The following ELMO1 variants were observed in gnomAD, a reference collection of about 807,000 sequenced individuals.
The protein encoded by ELMO1 is engulfment and cell motility protein 1.
In ELMO1, 26 loss-of-function variants were observed where a neutral mutation model predicts 98.9. That is an observed-to-expected ratio of 0.26 (90% CI 0.19 to 0.36). The LOEUF (loss-of-function observed/expected upper bound fraction) is 0.36, where lower values mean the gene tolerates loss of function less well. Ranked by LOEUF, ELMO1 falls within the 10% of genes least tolerant of loss-of-function variation. The probability of loss-of-function intolerance (pLI) is 1.00; values close to 1 mark genes in which losing one functional copy is unlikely to be tolerated. For missense variants in ELMO1, 627 were observed against 935.2 expected (o/e 0.67, Z 4.30); for synonymous variants, 346 against 346.0 (o/e 1.00, Z 0.00).
intron 16 of ELMO1, among the ~76,000 whole-genome samples, chr7:36,954,313 T>C (rs1788262047): frequency 6.6e-6 from 1 of 152,202 alleles, no homozygotes; most frequent in Non-Finnish European, 1.5e-5. Flanking sequence ...ATTAGGGTTC[T>C]GGCCAAATGT....
chr7:37,301,252 CA>C (rs1434310344), intron 4 of ELMO1, among the ~76,000 whole-genome samples: 1 of 148,732 alleles, frequency 6.7e-6, no homozygotes, highest in Non-Finnish European at 1.5e-5. Context: ...GAAGGAAAAA[CA>C]ATCAGAAGGA....
chr7:36,865,849 ATGCTCAATACAT>A (rs1802996367), intron 20 of ELMO1, among the ~76,000 whole-genome samples: 1 of 152,362 alleles, frequency 6.6e-6, no homozygotes, highest in South Asian at 2.1e-4. Flanking sequence ...GACAAAGGAG[ATGCTCAATACAT>A]TGCTGAATGA....
chr7:36,971,995 T>C (rs1584458360), intron 16 of ELMO1, among the ~76,000 whole-genome samples: 1 of 152,326 alleles, frequency 6.6e-6, no homozygotes, highest in East Asian at 1.9e-4. Flanking sequence ...TTTCTTGCTG[T>C]GTGATTCATG....
chr7:36,986,060 T>C, intron 16 of ELMO1: 1 of 999,104 alleles, frequency 1.0e-6, no homozygotes, highest in Non-Finnish European at 1.2e-6. Flanking sequence ...AGCTTGTTCA[T>C]GAAACAGGTT....
rs111548583 is a variant in ELMO1 at position 37,317,172 on chromosome 7, C to T, written c.79-1212G>A. ...TCACCCTTGGACGTGATGCTATCTA[C>T]GCCTGCTCCATTGGTGAATTCTGAA... is the stretch of plus-strand genomic sequence containing the variant. On this transcript the variant is annotated intron_variant, in intron 2 of 21. Coordinates refer to ENST00000310758, the MANE Select transcript of ELMO1 (RefSeq NM_014800.11). Among the ~76,000 whole-genome samples, 132 of 152,288 alleles carry T rather than the reference C, an allele frequency of 8.7e-4. 1 individual carries two copies. The highest frequency in any genetic ancestry group is 1.7e-3 in the African/African-American group (71 of 41,554).
chr7:36,873,364 A>T (rs897296837), intron 19 of ELMO1, among the ~76,000 whole-genome samples: 2 of 152,132 alleles, frequency 1.3e-5, no homozygotes, highest in Admixed American at 1.3e-4. Context: ...TAGCATTTTG[A>T]TGAGGCCTTT....
At chr7:37,244,253 A>G (rs747702808) in intron 7 of ELMO1, 103 bp downstream of exon 7, 23 of 1,177,710 alleles carry the variant, frequency 2.0e-5, no homozygotes, top group Non-Finnish European at 2.6e-5. Flanking sequence ...CTTATTCAAA[A>G]TACTAGATGC....
intron 6 of ELMO1, among the ~76,000 whole-genome samples, chr7:37,253,872 G>A (rs553627093): frequency 3.3e-5 from 5 of 152,142 alleles, no homozygotes; most frequent in South Asian, 2.1e-4. Flanking sequence ...CTTAGGAAAC[G>A]ACCACCTTCT....
intron 14 of ELMO1, among the ~76,000 whole-genome samples, chr7:37,103,556 C>T (rs1784761832): frequency 6.6e-6 from 1 of 151,542 alleles, no homozygotes; most frequent in South Asian, 2.1e-4. Context: ...CATTATGATA[C>T]CTAACATTAG....
intron 16 of ELMO1, among the ~76,000 whole-genome samples, chr7:36,952,074 A>G (rs1333932356): frequency 2.0e-5 from 3 of 152,210 alleles, no homozygotes; most frequent in African/African-American, 4.8e-5. Flanking sequence ...ATGTCCCCAG[A>G]CGGAGGGGGC....
At chr7:36,873,071 AT>A (rs1409088943) in intron 19 of ELMO1, among the ~76,000 whole-genome samples, 4 of 152,086 alleles carry the variant, frequency 2.6e-5, no homozygotes, top group Admixed American at 6.6e-5. Flanking sequence ...GTACATATAT[AT>A]TTTTTTATAT....
chr7:37,077,989 G>A (rs1797673839), intron 15 of ELMO1, among the ~76,000 whole-genome samples: 1 of 152,172 alleles, frequency 6.6e-6, no homozygotes, highest in East Asian at 1.9e-4. Flanking sequence ...CATAAGTAAT[G>A]TCTATTCATT....
chr7:36,998,234 G>C (rs1792365199), intron 16 of ELMO1, among the ~76,000 whole-genome samples: 1 of 152,134 alleles, frequency 6.6e-6, no homozygotes. Flanking sequence ...TCAGAACAAT[G>C]TGACTTCTTT....
At chr7:37,372,044 C>G (rs777643022) in intron 1 of ELMO1, among the ~76,000 whole-genome samples, 2 of 151,924 alleles carry the variant, frequency 1.3e-5, no homozygotes, top group Admixed American at 6.6e-5. Flanking sequence ...TAAATTGCTA[C>G]AAATACTGCC....
chr7:36,980,890 C>T (rs1476329196), intron 16 of ELMO1, among the ~76,000 whole-genome samples: 1 of 152,014 alleles, frequency 6.6e-6, no homozygotes, highest in African/African-American at 2.4e-5. Flanking sequence ...ATTTGTTCCA[C>T]CAGTGTTGCT....
At chr7:37,232,341 A>C (rs1315899321) in intron 8 of ELMO1, among the ~76,000 whole-genome samples, 1 of 152,218 alleles carries the variant, frequency 6.6e-6, no homozygotes. Flanking sequence ...GAATTTATAA[A>C]CCATTTCGCA....
At chr7:37,266,551 T>A (rs1796249257) in intron 5 of ELMO1, among the ~76,000 whole-genome samples, 2 of 152,208 alleles carry the variant, frequency 1.3e-5, no homozygotes, top group Admixed American at 1.3e-4. Context: ...GGTCAATAAT[T>A]CAGTTCGCTT....
chr7:37,171,996 T>C (rs1489997060), intron 13 of ELMO1, among the ~76,000 whole-genome samples: 3 of 152,182 alleles, frequency 2.0e-5, no homozygotes, highest in African/African-American at 7.2e-5. Flanking sequence ...TAAAAATATT[T>C]TAAAAATAAA....
intron 4 of ELMO1, among the ~76,000 whole-genome samples, chr7:37,282,004 T>C (rs1289259898): frequency 7.0e-6 from 1 of 143,276 alleles, no homozygotes; most frequent in Non-Finnish European, 1.5e-5. Flanking sequence ...TTTGTGTCTT[T>C]ACTAGCTCAT....
Sources: allele counts gnomAD v4.1 joint callset (sites outside exome capture counted in the v4.1 genomes callset), GRCh38; gene constraint gnomAD v4.1.1; transcripts MANE v1.5; gene names NCBI Gene and HGNC (gene_info 2026-07-23, HGNC 2026-07-21).